GCNT1: variants seen among roughly 807,000 people sequenced by gnomAD.
The protein encoded by GCNT1 is glucosaminyl (N-acetyl) transferase 1.
A neutral mutation model predicts 26.2 loss-of-function variants in GCNT1; 16 were observed. The ratio of observed to expected loss-of-function variants is 0.61; its 90% CI spans 0.41 to 0.93. GCNT1 has a LOEUF of 0.93. Ranked by LOEUF, GCNT1 falls within the 40% of genes least tolerant of loss-of-function variation. The pLI is 0.00. For synonymous variants in GCNT1, 183 were observed against 190.8 expected, an observed-to-expected ratio of 0.96 and a Z score of 0.34; for missense variants, 477 against 526.7, an observed-to-expected ratio of 0.91 and a Z score of 0.92.
the GCNT1 span, chr9:76,399,691 T>A: frequency 3.0e-6 from 2 of 667,828 alleles, no homozygotes; most frequent in South Asian, 3.6e-5. Context: ...CCCCAATCCA[T>A]TTTTACCCCT....
intron 2 of GCNT1, among the ~76,000 whole-genome samples, chr9:76,468,343 G>A (rs1041226102): frequency 1.3e-5 from 2 of 152,114 alleles, no homozygotes; most frequent in African/African-American, 2.4e-5. Context: ...GAGTGTCATC[G>A]AGTTGTTTAA....
intron 1 of GCNT1, among the ~76,000 whole-genome samples, chr9:76,432,019 G>C (rs1448737756): frequency 6.6e-6 from 1 of 152,122 alleles, no homozygotes; most frequent in African/African-American, 2.4e-5. Context: ...TGAGGCAGAA[G>C]AATCGCTTAA....
intron 2 of GCNT1, among the ~76,000 whole-genome samples, chr9:76,486,382 A>T (rs1389768989): frequency 6.6e-6 from 1 of 152,238 alleles, no homozygotes; most frequent in African/African-American, 2.4e-5. Context: ...CTGTATAAAA[A>T]TGCCTTTCTG....
chr9:76,497,369 C>T (rs973134313), intron 2 of GCNT1, among the ~76,000 whole-genome samples: 1 of 152,166 alleles, frequency 6.6e-6, no homozygotes, highest in African/African-American at 2.4e-5. Flanking sequence ...CCGAGTTTTA[C>T]TTAAGAAAAC....
At chr9:76,426,120 G>A (rs1051402687) in intron 1 of GCNT1, among the ~76,000 whole-genome samples, 2 of 152,160 alleles carry the variant, frequency 1.3e-5, no homozygotes, top group African/African-American at 4.8e-5. Context: ...AAGGAGGTTT[G>A]TTTTGGGAAA....
upstream of GCNT1, among the ~76,000 whole-genome samples, chr9:76,458,429 G>A (rs372336169): frequency 2.4e-4 from 37 of 152,084 alleles, 1 homozygote; most frequent in East Asian, 4.4e-3. Flanking sequence ...TGATCCGCCC[G>A]CCTCGGCCTC....
chr9:76,428,474 A>T (rs566642290), intron 1 of GCNT1, among the ~76,000 whole-genome samples: 1 of 151,882 alleles, frequency 6.6e-6, no homozygotes, highest in Admixed American at 6.6e-5. Context: ...CACTGATTTT[A>T]AAAATGTTAA....
rs146213336 is a variant in GCNT1 at position 76,471,657 on chromosome 9, A to G, written c.-290+11480A>G. 4.1e-3 allele frequency among the ~76,000 whole-genome samples: 619 copies of G among 150,864 alleles called. 4 individuals carry two copies. Among genetic ancestry groups the G allele is most frequent in the African/African-American group, 0.014 (565 of 40,190 alleles). On this transcript the variant is annotated intron_variant, in intron 2 of 3. Transcript: ENST00000376730. ...AAAACATGTATAAGTGGAAATTAGT[A>G]CCTTTAACATAAGTGTTTTCCAAAG...
chr9:76,482,793 C>T (rs1056728613), intron 2 of GCNT1, among the ~76,000 whole-genome samples: 19 of 148,478 alleles, frequency 1.3e-4, no homozygotes, highest in South Asian at 4.3e-4. Context: ...TACAGGCATG[C>T]GCCACCACAC....
At chr9:76,439,733 T>G (rs1208522303), upstream of GCNT1, among the ~76,000 whole-genome samples, 2 of 152,178 alleles carry the variant, frequency 1.3e-5, no homozygotes, top group African/African-American at 4.8e-5. Flanking sequence ...GTGAGGAATA[T>G]AAAATTTATT....
At chr9:76,470,256 G>A (rs766328111) in intron 2 of GCNT1, among the ~76,000 whole-genome samples, 7 of 152,014 alleles carry the variant, frequency 4.6e-5, no homozygotes, top group East Asian at 1.9e-4. Flanking sequence ...CCTCTTTCTC[G>A]TGATATACCC....
the GCNT1 span, among the ~76,000 whole-genome samples, chr9:76,403,738 G>T: frequency 6.6e-6 from 1 of 152,168 alleles, no homozygotes; most frequent in African/African-American, 2.4e-5. Flanking sequence ...AATTTAGAAA[G>T]TTAATGCTTT....
intron 2 of GCNT1, among the ~76,000 whole-genome samples, chr9:76,494,921 G>T (rs1824860908): frequency 6.6e-6 from 1 of 152,164 alleles, no homozygotes; most frequent in African/African-American, 2.4e-5. Flanking sequence ...GGAAGTACAG[G>T]AAAAGCGGAA....
At chr9:76,398,842 C>G in the GCNT1 span, 1 of 1,437,012 alleles carries the variant, frequency 7.0e-7, no homozygotes, top group African/African-American at 1.4e-5. Context: ...GCATCTATAT[C>G]ATAAATCTGA....
the GCNT1 span, among the ~76,000 whole-genome samples, chr9:76,411,161 A>G: frequency 2.0e-5 from 3 of 152,140 alleles, no homozygotes; most frequent in Non-Finnish European, 2.9e-5. Flanking sequence ...TCTGTATTTT[A>G]ATTGGTATAT....
At chr9:76,501,811 C>T (rs1048551090) in intron 3 of GCNT1, 3 of 51,468 alleles carry the variant, frequency 5.8e-5, no homozygotes, top group African/African-American at 5.5e-4. Flanking sequence ...AAATTACTAA[C>T]GATTTCAAGA....
Position 76,505,137 on chromosome 9 carries a change from A to G in GCNT1, c.*1469A>G, listed in dbSNP as rs1165510149. Reference sequence around the variant, plus strand: ...CATTTAGCATTAGACTTTAAACAAGAATTAAAATCATGTGCTGTATTTTTA... The same window carrying G: ...CATTTAGCATTAGACTTTAAACAAGGATTAAAATCATGTGCTGTATTTTTA... On this transcript the variant is annotated 3_prime_UTR_variant, in exon 4 of 4. Coordinates refer to ENST00000376730, the MANE Select transcript of GCNT1 (RefSeq NM_001490.5). 4.9e-6 allele frequency: 2 copies of G among 408,972 alleles called. No homozygotes were observed. Among genetic ancestry groups the G allele is most frequent in the Non-Finnish European group, 8.9e-6 (2 of 223,900 alleles). The allele number at this position is 408,972 out of a possible 1,614,324, so 25.3% of individuals were successfully genotyped here. A position where few individuals can be genotyped will look rare whatever the true frequency, so the allele number is the denominator to read the frequency against.
Position 76,428,982 on chromosome 9 carries a change from G to A in GCNT1, n.38+9095G>A, listed in dbSNP as rs141967839. Among the ~76,000 whole-genome samples the A allele has an allele frequency of 2.6e-3, 397 of 152,248 alleles. 1 individual carries two copies. Among genetic ancestry groups the A allele is most frequent in the African/African-American group, 9.2e-3 (384 of 41,550 alleles). On this transcript the variant is annotated intron_variant and non_coding_transcript_variant, in intron 1 of 3. Transcript: ENST00000488136. ...CCCAAAGTGTTGGGATTACAGGCAT[G>A]AGCCACCACGCCAGGCCTCTTTTTT...
intron 1 of GCNT1, among the ~76,000 whole-genome samples, chr9:76,453,961 G>A (rs1823711550): frequency 6.6e-6 from 1 of 152,190 alleles, no homozygotes; most frequent in Admixed American, 6.5e-5. Context: ...AATAGAAAAA[G>A]AGAATGTCGC....
Sources: gnomAD v4.1 joint callset for allele counts (sites outside exome capture counted in the v4.1 genomes callset) on GRCh38, gnomAD v4.1.1 for gene constraint, MANE v1.5 for transcripts, NCBI Gene and HGNC (gene_info 2026-07-23, HGNC 2026-07-21) for gene names.